SCAMP5: variants seen among roughly 807,000 people sequenced by gnomAD.
SCAMP5 encodes the protein secretory carrier-associated membrane protein 5.
In SCAMP5, 7 loss-of-function variants were observed where a neutral mutation model predicts 28.3. That is an observed-to-expected ratio of 0.25 (90% CI 0.14 to 0.46). SCAMP5 has a LOEUF of 0.46. Ranked by LOEUF, SCAMP5 falls within the 20% of genes least tolerant of loss-of-function variation. The probability of loss-of-function intolerance (pLI) is 0.99; values close to 1 mark genes in which losing one functional copy is unlikely to be tolerated. For synonymous variants in SCAMP5, 117 were observed against 116.4 expected, an observed-to-expected ratio of 1.00 and a Z score of -0.03; for missense variants, 192 against 312.5, an observed-to-expected ratio of 0.61 and a Z score of 2.91.
intron 2 of SCAMP5, among the ~76,000 whole-genome samples, 168 bp from the exon 3 acceptor site, chr15:75,012,509 T>G (rs1389082086): frequency 6.6e-6 from 1 of 152,242 alleles, no homozygotes; most frequent in Non-Finnish European, 1.5e-5. Flanking sequence ...TTGGCTACTT[T>G]GGGATCATCA....
intron 1 of SCAMP5, among the ~76,000 whole-genome samples, chr15:75,010,268 G>A (rs570294762): frequency 1.2e-4 from 18 of 152,178 alleles, no homozygotes; most frequent in Admixed American, 5.2e-4. Flanking sequence ...TACCCTGTAT[G>A]TCCCTAGCAC....
In SCAMP5 at chr15:75,020,827, G is replaced by T. The variant is rs2065898842; in HGVS notation, c.*1844G>T. On this transcript the variant is annotated 3_prime_UTR_variant, in exon 7 of 7. Transcript: ENST00000425597. ...GGCTTACAGGCCATCCTGAGCCAGG[G>T]GCCTCTGGAAATTCTCTTCCTGATG... The T allele has an allele frequency of 6.6e-6, 1 of 152,120 alleles. No homozygotes were observed. The highest frequency in any genetic ancestry group is 1.5e-5 in the Non-Finnish European group (1 of 68,030). The allele number at this position is 152,120 out of a possible 1,614,324, so 9.4% of individuals were successfully genotyped here. A position where few individuals can be genotyped will look rare whatever the true frequency, so the allele number is the denominator to read the frequency against.
At chr15:74,995,974 G>T (rs2065648474) in intron 1 of SCAMP5, 1 of 152,648 alleles carries the variant, frequency 6.6e-6, no homozygotes, top group African/African-American at 2.4e-5. Context: ...TGGAGCCTGA[G>T]CTTTGGGCCC....
rs754024981 is a variant in SCAMP5, at chr15:75,018,359, G to A, written c.396-59G>A. On this transcript the variant is annotated intron_variant, in intron 5 of 6. Coordinates refer to ENST00000425597, the MANE Select transcript of SCAMP5 (RefSeq NM_138967.4). The surrounding 1 kb of genome is among the most constrained non-coding windows in gnomAD (Gnocchi z 5.6). ...CAATGAGACGGTCCCTTCCTCTAGCGGGGGGCTCCTGGGCACCTCTTATCC... is the reference window on the plus strand; with the variant it reads ...CAATGAGACGGTCCCTTCCTCTAGCAGGGGGCTCCTGGGCACCTCTTATCC... 1.7e-5 allele frequency: 17 copies of A among 1,017,172 alleles called. No homozygotes were observed. The highest frequency in any genetic ancestry group is 3.4e-5 in the Admixed American group (2 of 59,206). 63.0% of individuals were successfully genotyped at this position (1,017,172 alleles called of 1,614,324 possible). A position where few individuals can be genotyped will look rare whatever the true frequency, so the allele number is the denominator to read the frequency against.
At chr15:75,008,006 C>G (rs892211077) in intron 1 of SCAMP5, among the ~76,000 whole-genome samples, 1 of 152,058 alleles carries the variant, frequency 6.6e-6, no homozygotes, top group African/African-American at 2.4e-5. Context: ...GGCCTGTTTG[C>G]AGTTATTTTT....
At position 75,018,991 on chromosome 15, in the gene SCAMP5, A is replaced by G; in HGVS notation, c.*8A>G. The G allele has an allele frequency of 6.7e-7, 1 of 1,490,162 alleles. No homozygotes were observed. The highest frequency in any genetic ancestry group is 8.9e-7 in the Non-Finnish European group (1 of 1,125,072). The allele number at this position is 1,490,162 out of a possible 1,614,324, so 92.3% of individuals were successfully genotyped here. On this transcript the variant is annotated 3_prime_UTR_variant, in exon 7 of 7. Coordinates refer to ENST00000425597, the MANE Select transcript of SCAMP5 (RefSeq NM_138967.4). This position sits in a 1 kb window ranked among gnomAD's most constrained non-coding sequence, Gnocchi z 5.6. The stretch of plus-strand genomic sequence containing the variant: ...TACTCCAATGAGATGTGAACCAGCC[A>G]CGCCTACCAGGTGGCAGAGCTGGGG...
intron 3 of SCAMP5, among the ~76,000 whole-genome samples, chr15:75,015,298 A>T (rs143385967): frequency 1.3e-5 from 2 of 152,294 alleles, no homozygotes; most frequent in African/African-American, 4.8e-5. Flanking sequence ...GTTTTCAAGG[A>T]AGGGAGTGCC....
intron 1 of SCAMP5, among the ~76,000 whole-genome samples, chr15:75,005,981 C>CTTTTTTT (rs527501720): frequency 7.4e-5 from 6 of 81,030 alleles, no homozygotes; most frequent in South Asian, 7.6e-4. Flanking sequence ...CTCGGCCTCC[C>CTTTTTTT]TTTTTTTTTT....
intron 1 of SCAMP5, among the ~76,000 whole-genome samples, chr15:75,005,322 C>T (rs892290725): frequency 1.3e-5 from 2 of 151,124 alleles, no homozygotes; most frequent in Non-Finnish European, 2.9e-5. Flanking sequence ...ATTAGCTGGG[C>T]GTGGTGGTGC....
chr15:75,011,668 C>A, intron 1 of SCAMP5, 124 bp from the exon 2 acceptor site: 1 of 448,148 alleles, frequency 2.2e-6, no homozygotes, highest in Non-Finnish European at 4.1e-6. Context: ...ATTGCATTCA[C>A]GGCACTGTGG....
intron 3 of SCAMP5, among the ~76,000 whole-genome samples, chr15:75,013,963 G>T (rs186959478): frequency 4.6e-5 from 7 of 151,988 alleles, no homozygotes; most frequent in African/African-American, 1.2e-4. Flanking sequence ...TGTCTTCTTG[G>T]GGGGATGGGA....
In SCAMP5 at chr15:75,006,834, C is replaced by T. The variant is rs549086663; in HGVS notation, c.-48-4958C>T. On this transcript the variant is annotated intron_variant, in intron 1 of 6. Transcript: ENST00000425597. ...GCGGGTGCCTGTAATCCCAGCTACT[C>T]GGGAGGCTGAAGCAAAAGAATCACT... Among the ~76,000 whole-genome samples, 440 of 151,192 alleles carry T rather than the reference C, an allele frequency of 2.9e-3. 1 individual carries two copies. The highest frequency in any genetic ancestry group is 0.01 in the African/African-American group (424 of 41,154).
rs71308031 is a variant in SCAMP5 at position 75,015,925 on chromosome 15, CAA to C, written c.137-648_137-647del. On this transcript the variant is annotated intron_variant, in intron 3 of 6. Coordinates refer to ENST00000425597, the MANE Select transcript of SCAMP5 (RefSeq NM_138967.4). ...TGGGCGACAGAGTGAAATTCCATCT[CAA>C]AAAAAAAAAAAAAAAAAAAGAAATA... Among the ~76,000 whole-genome samples the C allele has an allele frequency of 1.1e-4, 7 of 63,042 alleles. 1 individual carries two copies. Among genetic ancestry groups the C allele is most frequent in the Admixed American group, 1.9e-4 (1 of 5,158 alleles). 41.4% of individuals were successfully genotyped at this position (63,042 alleles called of 152,430 possible). A position where few individuals can be genotyped will look rare whatever the true frequency, so the allele number is the denominator to read the frequency against.
rs1336287789 is a variant in SCAMP5, at chr15:75,012,883, G to A, written c.136+78G>A. 2.1e-6 allele frequency: 3 copies of A among 1,413,978 alleles called. No homozygotes were observed. The African/African-American group carries it at 4.2e-5, about 20-fold the overall frequency. The allele number at this position is 1,413,978 out of a possible 1,614,324, so 87.6% of individuals were successfully genotyped here. On this transcript the variant is annotated intron_variant, in intron 3 of 6. Coordinates refer to ENST00000425597, the MANE Select transcript of SCAMP5 (RefSeq NM_138967.4). ...CTGGGCGTGCTGGGCAGCGGGGTGG[G>A]GTGCCCACAGGCCTGACTGTCCTTC...
At chr15:75,001,059 T>A (rs775405690) in intron 1 of SCAMP5, among the ~76,000 whole-genome samples, 20 of 149,966 alleles carry the variant, frequency 1.3e-4, no homozygotes, top group Non-Finnish European at 2.4e-4. Flanking sequence ...AGGAGATCGA[T>A]ACTAGCCGAG....
chr15:74,998,008 G>A (rs1289225378), intron 1 of SCAMP5, among the ~76,000 whole-genome samples: 2 of 152,182 alleles, frequency 1.3e-5, no homozygotes, highest in Non-Finnish European at 2.9e-5. Flanking sequence ...GGCCCATACT[G>A]GTGAGCAGGG....
intron 1 of SCAMP5, among the ~76,000 whole-genome samples, chr15:75,006,570 G>C (rs181441412): frequency 7.9e-5 from 12 of 151,826 alleles, no homozygotes; most frequent in Admixed American, 7.9e-4. Context: ...GGTGGATCAC[G>C]AGGTCAAGAG....
chr15:75,010,548 C>T (rs2065801904), intron 1 of SCAMP5, among the ~76,000 whole-genome samples: 1 of 152,202 alleles, frequency 6.6e-6, no homozygotes, highest in Non-Finnish European at 1.5e-5. Flanking sequence ...ATGGGTGGCT[C>T]ATGCCTATAA....
intron 1 of SCAMP5, among the ~76,000 whole-genome samples, chr15:75,009,261 C>T (rs1372817910): frequency 6.6e-6 from 1 of 152,176 alleles, no homozygotes; most frequent in African/African-American, 2.4e-5. Flanking sequence ...GCAATTAATG[C>T]ACCTGTGTAT....
Sources: gnomAD v4.1 joint callset for allele counts (sites outside exome capture counted in the v4.1 genomes callset) on GRCh38, gnomAD v4.1.1 for gene constraint, Gnocchi (gnomAD v3.1) non-coding constraint, MANE v1.5 for transcripts, NCBI Gene and HGNC (gene_info 2026-07-23, HGNC 2026-07-21) for gene names.